Variants in ZCCHC4 observed in about 807,000 individuals in gnomAD.
ZCCHC4 encodes rRNA N(6)-adenosine-methyltransferase ZCCHC4.
A neutral mutation model predicts 67.7 loss-of-function variants in ZCCHC4; 54 were observed. The observed-to-expected ratio is 0.80, with a 90% CI of 0.64 to 1.00. The LOEUF (loss-of-function observed/expected upper bound fraction) is 1.00, where lower values mean the gene tolerates loss of function less well. Ranked by LOEUF, ZCCHC4 falls within the 50% of genes least tolerant of loss-of-function variation. ZCCHC4 has a pLI of 0.00. For missense variants in ZCCHC4, 609 were observed against 617.0 expected (o/e 0.99, Z 0.14); for synonymous variants, 198 against 213.5 (o/e 0.93, Z 0.63).
chr4:25,350,266 T>C (rs1430072595), intron 7 of ZCCHC4, among the ~76,000 whole-genome samples: 2 of 143,406 alleles, frequency 1.4e-5, no homozygotes, highest in Non-Finnish European at 3.0e-5. Flanking sequence ...TTTTTTTTTT[T>C]TTTTTTTTTT....
At chr4:25,352,292 TC>T (rs1720339619) in intron 8 of ZCCHC4, 1 of 985,298 alleles carries the variant, frequency 1.0e-6, no homozygotes, top group East Asian at 1.1e-4. Context: ...CCACAGCAGC[TC>T]CACCTGGTCT....
At chr4:25,315,662 C>T (rs981148678) in intron 3 of ZCCHC4, among the ~76,000 whole-genome samples, 1 of 151,636 alleles carries the variant, frequency 6.6e-6, no homozygotes, top group Non-Finnish European at 1.5e-5. Context: ...GCTGTAACTC[C>T]TCATTCTACC....
At chr4:25,313,343 A>C (rs1718055303) in intron 1 of ZCCHC4, among the ~76,000 whole-genome samples, 1 of 152,216 alleles carries the variant, frequency 6.6e-6, no homozygotes, top group Non-Finnish European at 1.5e-5. Context: ...TAACTTACAG[A>C]AAGTGGGCGT....
intron 3 of ZCCHC4, among the ~76,000 whole-genome samples, chr4:25,327,175 TG>T: frequency 6.6e-6 from 1 of 152,240 alleles, no homozygotes. Context: ...TTATGTCTTT[TG>T]TTTTTTTATC....
At chr4:25,366,167 T>C (rs1720936077) in intron 12 of ZCCHC4, 2 of 983,340 alleles carry the variant, frequency 2.0e-6, no homozygotes, top group Non-Finnish European at 2.4e-6. Context: ...AATTTTTTTT[T>C]CCATTGTGGT....
At position 25,315,187 on chromosome 4, in the gene ZCCHC4, G is replaced by A. The variant is rs975958976; in HGVS notation, c.247-131G>A. ...GAATTTTCCCAGTTTTCGCTGTTTT[G>A]TTTTCTCCTGAAATGAATGCCTGTT... On this transcript the variant is annotated intron_variant, in intron 2 of 12. Transcript: ENST00000302874. The A allele has an allele frequency of 1.3e-5, 10 of 753,956 alleles. No individual in the cohort carries two copies. The African/African-American group carries it at 1.4e-4, about 11-fold the overall frequency. 46.7% of individuals were successfully genotyped at this position (753,956 alleles called of 1,614,324 possible).
rs371535618 is a variant in ZCCHC4, at chr4:25,345,615, G to A, written c.754G>A (p.Gly252Arg). The A allele has an allele frequency of 1.3e-6, 2 of 1,563,558 alleles. No individual in the cohort carries two copies. The highest frequency in any genetic ancestry group is 1.8e-6 in the Non-Finnish European group (2 of 1,139,074). The part of the protein sequence containing the change: ...YNMFNHHFFD[G>R]KTALEVCRAF... ...TATGTTTAACCATCATTTCTTTGATGGAAAGGTAAGAGCTGTGACCATTAT... is the reference window on the plus strand; with the variant it reads ...TATGTTTAACCATCATTTCTTTGATAGAAAGGTAAGAGCTGTGACCATTAT... Residue 252 changes from glycine to arginine, a missense_variant, in exon 6 of 13, where the codon GGA (glycine) becomes AGA (arginine). Transcript: ENST00000302874.
At chr4:25,334,719 TG>T (rs1719365225) in intron 5 of ZCCHC4, among the ~76,000 whole-genome samples, 1 of 152,244 alleles carries the variant, frequency 6.6e-6, no homozygotes, top group Non-Finnish European at 1.5e-5. Context: ...CAGGAGTTCA[TG>T]TAGAATTTAT....
chr4:25,341,702 C>T (rs750670321), intron 5 of ZCCHC4, among the ~76,000 whole-genome samples: 16 of 152,186 alleles, frequency 1.1e-4, no homozygotes, highest in Non-Finnish European at 1.9e-4. Context: ...TTTTCTACTG[C>T]GCCCCTAACC....
At position 25,315,374 on chromosome 4, in the gene ZCCHC4, C is replaced by T; in HGVS notation, c.303C>T (p.Pro101=). The T allele has an allele frequency of 6.2e-7, 1 of 1,613,162 alleles. No homozygotes were observed. Among genetic ancestry groups the T allele is most frequent in the Non-Finnish European group, 8.5e-7 (1 of 1,179,464 alleles). The change falls in exon 3 of 13, where the codon CCC becomes CCT. Residue 101 remains proline, a synonymous_variant. Transcript: ENST00000302874. ...REAHNRRCQP[P]LSRTQCVERY... ...CTCATAACCGAAGATGTCAGCCTCCCCTGTCCCGAACGCAGTGTGTGGAAA... is the reference window on the plus strand; with the variant it reads ...CTCATAACCGAAGATGTCAGCCTCCTCTGTCCCGAACGCAGTGTGTGGAAA...
intron 3 of ZCCHC4, among the ~76,000 whole-genome samples, chr4:25,324,282 T>C (rs1718746908): frequency 6.6e-6 from 1 of 152,054 alleles, no homozygotes; most frequent in African/African-American, 2.4e-5. Flanking sequence ...CCCAAAGTGC[T>C]GGGATTACAG....
chr4:25,367,161 TC>T (rs36120766), intron 12 of ZCCHC4, among the ~76,000 whole-genome samples: 1 of 152,208 alleles, frequency 6.6e-6, no homozygotes, highest in Non-Finnish European at 1.5e-5. Flanking sequence ...AATTTGTTTT[TC>T]CTTGGTGTTA....
At chr4:25,368,363 C>T (rs1207383295) in intron 12 of ZCCHC4, among the ~76,000 whole-genome samples, 1 of 152,166 alleles carries the variant, frequency 6.6e-6, no homozygotes, top group Non-Finnish European at 1.5e-5. Flanking sequence ...TGCAGGTCGC[C>T]TGTAACTTAG....
chr4:25,361,673 T>C (rs1269491064), intron 8 of ZCCHC4, 186 bp from the exon 9 acceptor site: 1 of 585,564 alleles, frequency 1.7e-6, no homozygotes, highest in Non-Finnish European at 3.0e-6. Context: ...TTGAGTGTTA[T>C]TCCAGCTACC....
intron 3 of ZCCHC4, among the ~76,000 whole-genome samples, chr4:25,328,078 G>T (rs1718984641): frequency 6.6e-6 from 1 of 152,098 alleles, no homozygotes; most frequent in Non-Finnish European, 1.5e-5. Context: ...TTGGTATTGG[G>T]ATAATGGTGG....
intron 3 of ZCCHC4, 80 bp from the exon 4 acceptor site, chr4:25,333,103 A>G (rs1459328374): frequency 7.1e-6 from 10 of 1,413,654 alleles, no homozygotes; most frequent in Non-Finnish European, 2.9e-6. Context: ...TACTTTTTGG[A>G]TGCTAAAAAT....
In ZCCHC4 at chr4:25,329,365, T is replaced by C. The variant is rs79829294; in HGVS notation, c.330-3818T>C. ...ATTTTGAGGGCTTCATTTCCACATA[T>C]TTAGGCCCCTCAGTTTTTCATTTTG... On this transcript the variant is annotated intron_variant, in intron 3 of 12. Coordinates refer to ENST00000302874, the MANE Select transcript of ZCCHC4 (RefSeq NM_024936.3). Among the ~76,000 whole-genome samples the C allele has an allele frequency of 6.8e-3, 1,028 of 152,170 alleles. 10 individuals are homozygous for C. Among genetic ancestry groups the C allele is most frequent in the African/African-American group, 0.023 (965 of 41,538 alleles).
chr4:25,334,625 C>T (rs747952398), intron 5 of ZCCHC4, among the ~76,000 whole-genome samples: 5 of 152,166 alleles, frequency 3.3e-5, no homozygotes, highest in Non-Finnish European at 7.4e-5. Context: ...TAACTTATAA[C>T]ATGGATGGTA....
At chr4:25,358,776 G>A (rs1251542455) in intron 8 of ZCCHC4, among the ~76,000 whole-genome samples, 2 of 152,216 alleles carry the variant, frequency 1.3e-5, no homozygotes, top group Non-Finnish European at 2.9e-5. Flanking sequence ...TCGTGAGCTC[G>A]TGCTTGGCTT....
Sources: gnomAD v4.1 joint callset for allele counts (sites outside exome capture counted in the v4.1 genomes callset) on GRCh38, gnomAD v4.1.1 for gene constraint, MANE v1.5 for transcripts, NCBI Gene and HGNC (gene_info 2026-07-23, HGNC 2026-07-21) for gene names.